Variants in ATP8B1 observed in about 807,000 individuals in gnomAD.
The protein encoded by ATP8B1 is ATPase phospholipid transporting 8B1.
In ATP8B1, 80 loss-of-function variants were observed where a neutral mutation model predicts 149.9. That is an observed-to-expected ratio of 0.53 (90% confidence interval 0.45 to 0.64). The LOEUF (loss-of-function observed/expected upper bound fraction) is 0.64. Among genes scored for constraint, ATP8B1 ranks in the 30% least tolerant of loss-of-function variants. The pLI is 0.00. For missense variants in ATP8B1, 1,247 were observed against 1,552.6 expected, an observed-to-expected ratio of 0.80 and a Z score of 3.31; for synonymous variants, 536 against 562.8, an observed-to-expected ratio of 0.95 and a Z score of 0.67.
Position 57,666,660 on chromosome 18 carries a change from C to T in ATP8B1, c.2285+432G>A, listed in dbSNP as rs754847800. ...AAGTGATTCTCCTGCCTCAGCCTCC[C>T]GAGTAGCTGAGATAACAGGCACCGG... On this transcript the variant is annotated intron_variant, in intron 20 of 27. Coordinates refer to ENST00000648908, the MANE Select transcript of ATP8B1 (RefSeq NM_001374385.1). 1.3e-3 allele frequency among the ~76,000 whole-genome samples: 197 copies of T among 151,984 alleles called. 1 individual carries two copies. Among genetic ancestry groups the T allele is most frequent in the Non-Finnish European group, 2.1e-3 (146 of 67,974 alleles).
intron 1 of ATP8B1, among the ~76,000 whole-genome samples, chr18:57,756,305 A>ATATATATACATATATATATATATATATG (rs2080082230): frequency 4.7e-5 from 5 of 106,122 alleles, no homozygotes; most frequent in Non-Finnish European, 5.6e-5. Flanking sequence ...GTGTATGTAT[A>ATATATATACATATATATATATATATATG]TATATATATA....
rs117182318 is a variant in ATP8B1 at position 57,729,260 on chromosome 18, G to A, written c.181+2367C>T. On this transcript the variant is annotated intron_variant, in intron 2 of 27. Coordinates refer to ENST00000648908, the MANE Select transcript of ATP8B1 (RefSeq NM_001374385.1). ...CTGATGGCGTGCCACCAAGCACCAA[G>A]AGCAAAGTTGACCCTGGACCCCATG... Among the ~76,000 whole-genome samples the A allele has an allele frequency of 5.9e-5, 9 of 152,262 alleles. No homozygotes were observed. In the East Asian group the frequency reaches 1.5e-3, roughly 26 times the overall value.
chr18:57,779,435 C>G (rs987381537), intron 1 of ATP8B1, among the ~76,000 whole-genome samples: 4 of 152,108 alleles, frequency 2.6e-5, no homozygotes, highest in Non-Finnish European at 5.9e-5. Flanking sequence ...CACTCACAGG[C>G]AGAGCTGAAA....
At chr18:57,735,750 TA>T (rs1251038146) in intron 1 of ATP8B1, among the ~76,000 whole-genome samples, 1 of 152,142 alleles carries the variant, frequency 6.6e-6, no homozygotes, top group Non-Finnish European at 1.5e-5. Flanking sequence ...TCTTTTCCAC[TA>T]AATTGGCATC....
At chr18:57,696,547 C>CAAAAA (rs10639684) in intron 8 of ATP8B1, among the ~76,000 whole-genome samples, 2 of 145,658 alleles carry the variant, frequency 1.4e-5, no homozygotes, top group Non-Finnish European at 1.5e-5. Context: ...TTTTTTCCGC[C>CAAAAA]AAAAAAAAAA....
intron 15 of ATP8B1, among the ~76,000 whole-genome samples, chr18:57,676,386 T>G (rs1911587529): frequency 2.6e-5 from 4 of 151,278 alleles, no homozygotes; most frequent in African/African-American, 9.7e-5. Context: ...ATTTTTTCTT[T>G]ACCATAGCTA....
chr18:57,675,481 T>C (rs999111054), intron 15 of ATP8B1, among the ~76,000 whole-genome samples: 18 of 152,244 alleles, frequency 1.2e-4, no homozygotes, highest in Admixed American at 3.3e-4. Context: ...ATTTTCCCAT[T>C]ACAGACACTT....
chr18:57,760,105 A>G (rs952705730), intron 1 of ATP8B1, among the ~76,000 whole-genome samples: 16 of 152,308 alleles, frequency 1.1e-4, no homozygotes, highest in Non-Finnish European at 1.0e-4. Context: ...GGATATTCCA[A>G]ATTGGCCAAT....
intron 22 of ATP8B1, 98 bp from the exon 23 acceptor site, chr18:57,655,515 A>G (rs1209551284): frequency 3.7e-6 from 4 of 1,073,612 alleles, no homozygotes; most frequent in South Asian, 2.6e-5. Flanking sequence ...AAAAACAAAG[A>G]CAGACATTGA....
chr18:57,799,683 C>T (rs142379015), intron 1 of ATP8B1, among the ~76,000 whole-genome samples: 2,733 of 136,890 alleles, frequency 0.02, 79 homozygotes, highest in African/African-American at 0.065. Flanking sequence ...CCAGTCTGGG[C>T]GACAGAGCAA....
At chr18:57,767,901 G>A (rs1344761954) in intron 1 of ATP8B1, among the ~76,000 whole-genome samples, 6 of 152,110 alleles carry the variant, frequency 3.9e-5, no homozygotes, top group Non-Finnish European at 5.9e-5. Context: ...AGGCATTTTG[G>A]TTTTACTGCC....
chr18:57,661,077 T>C, intron 22 of ATP8B1, 97 bp downstream of exon 22: 2 of 1,466,030 alleles, frequency 1.4e-6, no homozygotes, highest in South Asian at 2.4e-5. Context: ...AAACCTAAGC[T>C]GTAAAATCTA....
rs1239621299 is a variant in ATP8B1, at chr18:57,802,814, G to T, written c.-26+184C>A. On this transcript the variant is annotated intron_variant, in intron 1 of 27. Coordinates refer to ENST00000648908, the MANE Select transcript of ATP8B1 (RefSeq NM_001374385.1). This position sits in a 1 kb window ranked among gnomAD's most constrained non-coding sequence, Gnocchi z 4.9. ...TCTCGCCGTCCCCGAGGCCTCGGGG[G>T]CTCCCAGCACCTCCACCCAAATCCC... 1.3e-5 allele frequency among the ~76,000 whole-genome samples: 2 copies of T among 152,318 alleles called. No homozygotes were observed. The highest frequency in any genetic ancestry group is 1.9e-4 in the East Asian group (1 of 5,170).
chr18:57,760,824 A>G (rs1599205581), intron 1 of ATP8B1, among the ~76,000 whole-genome samples: 1 of 151,896 alleles, frequency 6.6e-6, no homozygotes, highest in East Asian at 1.9e-4. Context: ...CCCCGTCTCT[A>G]CTAAAAATAC....
chr18:57,760,365 G>A (rs952800185), intron 1 of ATP8B1, among the ~76,000 whole-genome samples: 16 of 152,202 alleles, frequency 1.1e-4, no homozygotes, highest in African/African-American at 2.7e-4. Flanking sequence ...AACCAGCAGA[G>A]GGAAAGGGCC....
chr18:57,651,627 C>G (rs1278469180), intron 26 of ATP8B1, among the ~76,000 whole-genome samples: 2 of 151,454 alleles, frequency 1.3e-5, no homozygotes, highest in East Asian at 1.9e-4. Context: ...TTTTGTTGTG[C>G]TTTGTTTTTT....
intron 18 of ATP8B1, chr18:57,668,965 C>G (rs1446315799): frequency 4.8e-6 from 1 of 207,106 alleles, no homozygotes; most frequent in Non-Finnish European, 9.5e-6. Flanking sequence ...TTTCTTATTT[C>G]AAGATTTTGC....
intron 1 of ATP8B1, among the ~76,000 whole-genome samples, chr18:57,792,601 G>A (rs924231492): frequency 3.3e-5 from 5 of 152,142 alleles, no homozygotes; most frequent in South Asian, 2.1e-4. Flanking sequence ...GGGACAAGGC[G>A]ATAAACCAGG....
intron 2 of ATP8B1, among the ~76,000 whole-genome samples, chr18:57,716,993 A>T (rs1194090286): frequency 6.6e-6 from 1 of 152,224 alleles, no homozygotes; most frequent in East Asian, 1.9e-4. Flanking sequence ...CACAATGAGT[A>T]AAACTAGAAA....
Sources: gnomAD v4.1 joint callset for allele counts (sites outside exome capture counted in the v4.1 genomes callset) on GRCh38, gnomAD v4.1.1 for gene constraint, Gnocchi (gnomAD v3.1) non-coding constraint, MANE v1.5 for transcripts, NCBI Gene and HGNC (gene_info 2026-07-23, HGNC 2026-07-21) for gene names.